The following ZC3H13 variants were observed in gnomAD, a reference collection of about 807,000 sequenced individuals.
The protein encoded by ZC3H13 is zinc finger CCCH-type containing 13.
In ZC3H13, 64 loss-of-function variants were observed where a neutral mutation model predicts 204.1. The observed-to-expected ratio is 0.31, with a 90% CI of 0.26 to 0.39. The LOEUF is 0.39. Among genes scored for constraint, ZC3H13 ranks in the 10% least tolerant of loss-of-function variants. ZC3H13 has a pLI of 1.00. For synonymous variants in ZC3H13, 667 were observed against 693.7 expected (o/e 0.96, Z 0.60); for missense variants, 1,833 against 2,082.7 (o/e 0.88, Z 2.33).
rs771537681 is a variant in ZC3H13, at chr13:45,956,071, T to C, written c.*1056A>G. ...GAGTCCACTTCATGAGTTAAACATA[T>C]ACATATAGAACAAAGCAGGTATACT... is the stretch of plus-strand genomic sequence containing the variant. On this transcript the variant is annotated 3_prime_UTR_variant, in exon 19 of 19. Transcript: ENST00000679008. 11 of 152,142 alleles carry C rather than the reference T, an allele frequency of 7.2e-5. No homozygotes were observed. The highest frequency in any genetic ancestry group is 1.9e-4 in the African/African-American group (8 of 41,456). 9.4% of individuals were successfully genotyped at this position (152,142 alleles called of 1,614,324 possible).
intron 4 of ZC3H13, among the ~76,000 whole-genome samples, chr13:46,023,764 A>T (rs2042365296): frequency 6.6e-6 from 1 of 152,246 alleles, no homozygotes; most frequent in Admixed American, 6.5e-5. Flanking sequence ...CAGTGAAATC[A>T]TCAAAGACCA....
At chr13:45,973,973 CTGTGT>C (rs1030812006) in intron 12 of ZC3H13, among the ~76,000 whole-genome samples, 1 of 152,148 alleles carries the variant, frequency 6.6e-6, no homozygotes, top group African/African-American at 2.4e-5. Flanking sequence ...TACTTCTGTG[CTGTGT>C]TGTTTGGCCC....
At chr13:45,979,775 A>G (rs778010880) in intron 11 of ZC3H13, 38 bp downstream of exon 11, 1 of 1,516,170 alleles carries the variant, frequency 6.6e-7, no homozygotes, top group Non-Finnish European at 8.8e-7. Context: ...CGCCCAATTG[A>G]TATTGTTCAC....
intron 12 of ZC3H13, among the ~76,000 whole-genome samples, chr13:45,971,685 T>C (rs1030525711): frequency 6.6e-6 from 1 of 152,090 alleles, no homozygotes; most frequent in African/African-American, 2.4e-5. Context: ...ACTAAAAAGC[T>C]TCTGCACAGC....
chr13:46,041,811 A>G (rs899259637), intron 4 of ZC3H13, among the ~76,000 whole-genome samples: 16 of 152,098 alleles, frequency 1.1e-4, no homozygotes, highest in African/African-American at 3.6e-4. Flanking sequence ...GTTCTACTGC[A>G]AGCCACTTCA....
Position 45,985,398 on chromosome 13 carries a change from C to T in ZC3H13, c.1619G>A (p.Arg540His), listed in dbSNP as rs373662110. Reference protein sequence around the residue: ...GRNHLREESSRTEIRNESRNE... With the variant: ...GRNHLREESSHTEIRNESRNE... ...TCTGGACTCATTCCTTATTTCCGTA[C>T]GAGAACTTTCTTCTCTCAAATGGTT... is the stretch of plus-strand genomic sequence containing the variant. The change falls in exon 10 of 19, where the codon CGT becomes CAT. Residue 540 changes from arginine (R) to histidine (H), a missense_variant. Physicochemically the swap from Arg to His is conservative, Grantham distance 29. Coordinates refer to ENST00000679008, the MANE Select transcript of ZC3H13 (RefSeq NM_001330564.2). 1.6e-5 allele frequency: 26 copies of T among 1,614,062 alleles called. No homozygotes were observed. Among genetic ancestry groups the T allele is most frequent in the Admixed American group, 1.3e-4 (8 of 59,994 alleles).
intron 4 of ZC3H13, among the ~76,000 whole-genome samples, chr13:46,028,922 A>G (rs2042706204): frequency 2.6e-5 from 4 of 152,148 alleles, no homozygotes; most frequent in Admixed American, 2.0e-4. Context: ...ACCCAAAGTA[A>G]GCAGAAGAAA....
chr13:46,000,514 C>T (rs1004346639), intron 8 of ZC3H13, among the ~76,000 whole-genome samples: 4 of 152,226 alleles, frequency 2.6e-5, no homozygotes, highest in African/African-American at 9.6e-5. Context: ...TTCCTTACCT[C>T]TTTCAGCCTC....
At position 46,052,713 on chromosome 13, in the gene ZC3H13, A is replaced by ACCG. The variant is rs1460539569; in HGVS notation, c.-322_-320dup. 5 of 398,208 alleles carry ACCG rather than the reference A, an allele frequency of 1.3e-5. No homozygotes were observed. The highest frequency in any genetic ancestry group is 2.2e-5 in the Non-Finnish European group (5 of 225,970). 24.7% of individuals were successfully genotyped at this position (398,208 alleles called of 1,614,324 possible). ...AAAACACTACCAGGCCGCTAGGAGG[A>ACCG]CCGCCTCAAAATGCCGCCGGAAGTC... On this transcript the variant is annotated 5_prime_UTR_variant, in exon 1 of 19. Coordinates refer to ENST00000679008, the MANE Select transcript of ZC3H13 (RefSeq NM_001330564.2).
intron 1 of ZC3H13, among the ~76,000 whole-genome samples, chr13:46,050,013 AAGAC>A (rs1228439589): frequency 2.6e-5 from 4 of 152,170 alleles, no homozygotes; most frequent in African/African-American, 9.7e-5. Flanking sequence ...AGCATTATCA[AAGAC>A]AGAGTGGCAC....
intron 4 of ZC3H13, among the ~76,000 whole-genome samples, chr13:46,038,518 G>T (rs1438443618): frequency 1.3e-5 from 2 of 152,208 alleles, no homozygotes; most frequent in African/African-American, 4.8e-5. Flanking sequence ...TGACATCAGT[G>T]ACAGAGAAGA....
At chr13:46,008,489 T>C (rs2138614492) in intron 7 of ZC3H13, among the ~76,000 whole-genome samples, 1 of 152,216 alleles carries the variant, frequency 6.6e-6, no homozygotes, top group East Asian at 1.9e-4. Flanking sequence ...GTGTGAATGA[T>C]TATTCATGAC....
rs199765092 is a variant in ZC3H13, at chr13:45,967,698, T to C, written c.4127A>G (p.Asp1376Gly). Reference protein sequence around the residue: ...SVERDRDRDRDRTFESSQIES... With the variant: ...SVERDRDRDRGRTFESSQIES... ...TATTTGAGAACTCTCAAAAGTTCTG[T>C]CTCTGTCTCTGTCCCTGTCCCTTTC... Residue 1376 changes from aspartate (D) to glycine (G), a missense_variant, in exon 15 of 19, where the codon GAC (aspartate) becomes GGC (glycine). By Grantham distance (94) the Asp-to-Gly change is moderately conservative. Transcript: ENST00000679008. 1.9e-6 allele frequency: 3 copies of C among 1,614,054 alleles called. No homozygotes were observed. Among genetic ancestry groups the C allele is most frequent in the South Asian group, 1.1e-5 (1 of 91,078 alleles).
chr13:45,970,166 T>C lies in ZC3H13; in HGVS notation c.2573-195A>G, dbSNP rs867631873. Among the ~76,000 whole-genome samples the C allele has an allele frequency of 3.3e-5, 5 of 152,128 alleles. No individual in the cohort carries two copies. The South Asian group carries it at 6.2e-4, about 19-fold the overall frequency. On this transcript the variant is annotated intron_variant, in intron 13 of 18. Transcript: ENST00000679008. ...ACAATAATTTTAGTAAAAATAAAAA[T>C]ATGGCTTTACTATAAATAGTAGAAA...
chr13:45,971,235 T>G (rs756941024), intron 12 of ZC3H13, among the ~76,000 whole-genome samples: 11 of 152,194 alleles, frequency 7.2e-5, no homozygotes, highest in Non-Finnish European at 1.2e-4. Context: ...ATTATTCTAG[T>G]GTTTTCCCCC....
chr13:45,963,962 G>A lies in ZC3H13; in HGVS notation c.4555C>T (p.Leu1519Phe), dbSNP rs1356754607. The part of the protein sequence containing the change: ...PKEPREPGAA[L>F]LKFTPGAVML... ...ACAGCTCCAGGTGTGAATTTTAAGA[G>A]TGCAGCCCCAGGCTCTCGTGGTTCT... Residue 1519 changes from leucine to phenylalanine, a missense_variant, in exon 17 of 19, where the codon CTC becomes TTC. This residue lies in a region of ZC3H13 where 211 missense variants were observed against 228.4 expected (regional missense o/e 0.92). Coordinates refer to ENST00000679008, the MANE Select transcript of ZC3H13 (RefSeq NM_001330564.2). 3 of 1,614,140 alleles carry A rather than the reference G, an allele frequency of 1.9e-6. No individual in the cohort carries two copies. Among genetic ancestry groups the A allele is most frequent in the Admixed American group, 1.7e-5 (1 of 60,022 alleles).
chr13:46,020,028 C>A (rs554703758), intron 5 of ZC3H13, among the ~76,000 whole-genome samples: 1 of 152,190 alleles, frequency 6.6e-6, no homozygotes, highest in African/African-American at 2.4e-5. Context: ...ATTTTGATTT[C>A]TTCTGAAAGA....
intron 8 of ZC3H13, among the ~76,000 whole-genome samples, chr13:45,999,978 T>C (rs150387526): frequency 0.013 from 1,906 of 152,314 alleles, 18 homozygotes; most frequent in South Asian, 0.026. Flanking sequence ...GTATTTTGAA[T>C]GGAATCTTTT....
At chr13:46,031,009 C>G (rs1012346032) in intron 4 of ZC3H13, among the ~76,000 whole-genome samples, 7 of 152,022 alleles carry the variant, frequency 4.6e-5, no homozygotes, top group Admixed American at 4.6e-4. Flanking sequence ...GAGATTGACA[C>G]TACCTGACTT....
Sources: allele counts gnomAD v4.1 joint callset (sites outside exome capture counted in the v4.1 genomes callset), GRCh38; gene constraint gnomAD v4.1.1; regional missense constraint gnomAD v4.1.1; transcripts MANE v1.5; gene names NCBI Gene and HGNC (gene_info 2026-07-23, HGNC 2026-07-21).